Variants in BNIP2 observed in about 807,000 individuals in gnomAD.
The protein encoded by BNIP2 is BCL2/adenovirus E1B 19 kDa protein-interacting protein 2.
A neutral mutation model predicts 43.4 loss-of-function variants in BNIP2; 36 were observed. That is an observed-to-expected ratio of 0.83 (90% CI 0.64 to 1.10). BNIP2 has a LOEUF of 1.10. BNIP2 is among the 50% of genes least tolerant of loss of function. BNIP2 has a pLI of 0.00. For synonymous variants in BNIP2, 146 were observed against 121.0 expected, an observed-to-expected ratio of 1.21 and a Z score of -1.35; for missense variants, 417 against 374.1, an observed-to-expected ratio of 1.11 and a Z score of -0.95.
At chr15:59,674,529 C>T (rs867799135) in intron 5 of BNIP2, among the ~76,000 whole-genome samples, 6 of 151,954 alleles carry the variant, frequency 3.9e-5, no homozygotes, top group African/African-American at 9.7e-5. Context: ...CATCTGAGTA[C>T]GATTAAATTA....
At chr15:59,664,193 T>G (rs1252517711) in intron 9 of BNIP2, 73 bp from the exon 10 acceptor site, 1 of 1,046,596 alleles carries the variant, frequency 9.6e-7, no homozygotes, top group African/African-American at 1.6e-5. Flanking sequence ...AATGACTATT[T>G]TAGCATAGAA....
In BNIP2 at chr15:59,679,359, G is replaced by C. The variant is rs148397733; in HGVS notation, c.295+233C>G. The C allele has an allele frequency of 9.4e-4, 348 of 369,200 alleles. 1 individual carries two copies. The highest frequency in any genetic ancestry group is 6.9e-3 in the African/African-American group (325 of 46,812). The allele number at this position is 369,200 out of a possible 1,614,324, so 22.9% of individuals were successfully genotyped here. On this transcript the variant is annotated intron_variant, in intron 4 of 9. Coordinates refer to ENST00000607373, the MANE Select transcript of BNIP2 (RefSeq NM_004330.4). ...AAAAAGAGCATGCCATAATTATCAA[G>C]AAATATTTTTGAAACAGCTATGAAA...
intron 1 of BNIP2, among the ~76,000 whole-genome samples, chr15:59,683,460 T>C (rs1163733595): frequency 6.6e-6 from 1 of 152,222 alleles, no homozygotes; most frequent in Non-Finnish European, 1.5e-5. Context: ...TTCTTTTCTT[T>C]TTGCAGTAAC....
At chr15:59,671,089 TA>T (rs1290752963) in intron 7 of BNIP2, 93 bp downstream of exon 7, 74,344 of 856,542 alleles carry the variant, frequency 0.087, 3 homozygotes, top group East Asian at 0.11. Flanking sequence ...AAAAAAAAGT[TA>T]AAAAAAAAAA....
chr15:59,663,801 T>G lies in BNIP2; in HGVS notation c.*268A>C, dbSNP rs1334048599. On this transcript the variant is annotated 3_prime_UTR_variant, in exon 10 of 10. Transcript: ENST00000607373. ...TTCAATAAACAAATGCAAAAACTAC[T>G]TTATATAAAGTGTGGTTCTCTATTT... 3.5e-6 allele frequency: 1 copy of G among 283,174 alleles called. No homozygotes were observed. The highest frequency in any genetic ancestry group is 6.5e-6 in the Non-Finnish European group (1 of 154,658). The allele number at this position is 283,174 out of a possible 1,614,324, so 17.5% of individuals were successfully genotyped here. A position where few individuals can be genotyped will look rare whatever the true frequency, so the allele number is the denominator to read the frequency against.
At chr15:59,668,733 T>C (rs1308870526) in intron 9 of BNIP2, 159 bp downstream of exon 9, 3 of 570,764 alleles carry the variant, frequency 5.3e-6, no homozygotes, top group Non-Finnish European at 8.7e-6. Context: ...TGTGGGAAAA[T>C]GGCTTCTTCC....
chr15:59,670,668 T>C (rs1248101728), intron 7 of BNIP2, among the ~76,000 whole-genome samples: 1 of 152,238 alleles, frequency 6.6e-6, no homozygotes, highest in Non-Finnish European at 1.5e-5. Flanking sequence ...TTATTCTTTA[T>C]AGAAAAATCA....
chr15:59,684,560 T>C (rs780088196), intron 1 of BNIP2, among the ~76,000 whole-genome samples: 4 of 152,192 alleles, frequency 2.6e-5, no homozygotes, highest in Admixed American at 6.5e-5. Context: ...AGAATTACAA[T>C]GCTCAAGTGA....
At chr15:59,674,107 C>CAA (rs67178095) in intron 5 of BNIP2, among the ~76,000 whole-genome samples, 1,717 of 136,556 alleles carry the variant, frequency 0.013, 43 homozygotes, top group African/African-American at 0.042. Flanking sequence ...AAAACAAAAA[C>CAA]AAAAACAAAA....
Position 59,679,612 on chromosome 15 carries a change from C to A in BNIP2, c.275G>T (p.Ser92Ile), listed in dbSNP as rs755046904. The change falls in exon 4 of 10, where the codon AGT becomes ATT. Residue 92 changes from serine to isoleucine, a missense_variant. Ser to Ile is a moderately radical substitution (Grantham distance 142). Coordinates refer to ENST00000607373, the MANE Select transcript of BNIP2 (RefSeq NM_004330.4). The part of the protein sequence containing the change: ...LDGLDTPSEN[S>I]NEFEWEDDLP... ...TTTACCTTCCCACTCAAACTCATTA[C>A]TATTCTCTGACGGTGTGTCTAAGCC... 7 of 1,613,002 alleles carry A rather than the reference C, an allele frequency of 4.3e-6. No individual in the cohort carries two copies. The highest frequency in any genetic ancestry group is 5.9e-6 in the Non-Finnish European group (7 of 1,179,418).
At position 59,664,089 on chromosome 15, in the gene BNIP2, C is replaced by A; in HGVS notation, c.925G>T (p.Glu309Ter). 6.5e-7 allele frequency: 1 copy of A among 1,549,270 alleles called. No individual in the cohort carries two copies. Among genetic ancestry groups the A allele is most frequent in the Non-Finnish European group, 8.7e-7 (1 of 1,145,122 alleles). The part of the protein sequence containing the change: ...VDQELNGKQD[E>*]PKNEQ The stretch of plus-strand genomic sequence containing the variant: ...CAAACTTACTGTTCATTTTTCGGTT[C>A]ATCTTGTTTTCCATTAAGTTCTTGA... Residue 309 changes from glutamate to a stop codon, truncating the protein, a stop_gained, in exon 10 of 10, where the codon GAA becomes TAA. Coordinates refer to ENST00000607373, the MANE Select transcript of BNIP2 (RefSeq NM_004330.4). LOFTEE classifies it high-confidence loss of function.
chr15:59,677,269 G>A (rs1893364506), intron 5 of BNIP2: 2 of 1,593,518 alleles, frequency 1.3e-6, no homozygotes, highest in East Asian at 4.5e-5. Flanking sequence ...GAAGTATACA[G>A]GAGCTGCCAG....
At position 59,671,171 on chromosome 15, in the gene BNIP2, T is replaced by C; in HGVS notation, c.707+12A>G. 3.2e-6 allele frequency: 5 copies of C among 1,576,236 alleles called. No homozygotes were observed. The highest frequency in any genetic ancestry group is 4.3e-6 in the Non-Finnish European group (5 of 1,160,446). On this transcript the variant is annotated intron_variant, in intron 7 of 9. Transcript: ENST00000607373. The stretch of plus-strand genomic sequence containing the variant: ...TTTTTTCAGACTAGCTTTCAACTTG[T>C]ATTTGTATTACCTTCTATCAATTTG...
chr15:59,664,230 G>T, intron 9 of BNIP2, 110 bp from the exon 10 acceptor site: 1 of 636,226 alleles, frequency 1.6e-6, no homozygotes, highest in East Asian at 3.3e-5. Flanking sequence ...ACAAAGCTTT[G>T]CAAAGAAGCA....
intron 1 of BNIP2, among the ~76,000 whole-genome samples, chr15:59,686,498 T>C (rs1894022537): frequency 6.6e-6 from 1 of 152,212 alleles, no homozygotes; most frequent in Non-Finnish European, 1.5e-5. Flanking sequence ...TAATGACCGT[T>C]TATGCGGAAA....
chr15:59,672,537 A>C, intron 6 of BNIP2, 100 bp downstream of exon 6: 1 of 842,760 alleles, frequency 1.2e-6, no homozygotes, highest in Non-Finnish European at 1.8e-6. Context: ...CTCCCAAAGA[A>C]CTGGAATATT....
intron 3 of BNIP2, 115 bp downstream of exon 3, chr15:59,680,126 T>C (rs1433444279): frequency 4.6e-6 from 4 of 862,990 alleles, no homozygotes; most frequent in East Asian, 5.7e-5. Context: ...ACTTATACTT[T>C]GACTTCTATG....
chr15:59,680,279 G>C lies in BNIP2; in HGVS notation c.80C>G (p.Ala27Gly), dbSNP rs1296665775. ...IPLPEDDSIE[A>G]DILAITGPED... The stretch of plus-strand genomic sequence containing the variant: ...TGGTCCAGTTATAGCTAGTATATCT[G>C]CTTCAATACTATCATCTTCTGGTAA... Residue 27 changes from alanine (A) to glycine (G), a missense_variant, in exon 3 of 10, where the codon GCA becomes GGA. Ala to Gly is a moderately conservative substitution (Grantham distance 60). Transcript: ENST00000607373. 6.2e-7 allele frequency: 1 copy of C among 1,601,962 alleles called. No individual in the cohort carries two copies. Among genetic ancestry groups the C allele is most frequent in the Admixed American group, 1.7e-5 (1 of 59,140 alleles).
In BNIP2 at chr15:59,684,379, C is replaced by T. The variant is rs540606601; in HGVS notation, c.-57-1865G>A. ...GCAGTTTTTATAAGTTAATGAAAAA[C>T]ATTTAAAATAATCTTTACTTATTTA... On this transcript the variant is annotated intron_variant, in intron 1 of 9. Transcript: ENST00000607373. Among the ~76,000 whole-genome samples the T allele has an allele frequency of 4.3e-4, 65 of 152,206 alleles. 2 individuals are homozygous for T. The Middle Eastern group carries it at 0.01, about 24-fold the overall frequency.
Sources: allele counts gnomAD v4.1 joint callset (sites outside exome capture counted in the v4.1 genomes callset), GRCh38; gene constraint gnomAD v4.1.1; transcripts MANE v1.5; gene names NCBI Gene and HGNC (gene_info 2026-07-23, HGNC 2026-07-21).